Variants in CSNK1G3 observed in about 807,000 individuals in gnomAD.
CSNK1G3 encodes casein kinase 1 gamma 3.
A neutral mutation model predicts 64.3 loss-of-function variants in CSNK1G3; 23 were observed. The observed-to-expected ratio is 0.36, with a 90% CI of 0.26 to 0.51. CSNK1G3 has a LOEUF of 0.51. CSNK1G3 is among the 20% of genes least tolerant of loss of function. CSNK1G3 has a pLI of 0.96. For missense variants in CSNK1G3, 357 were observed against 510.5 expected (o/e 0.70, Z 2.90); for synonymous variants, 158 against 162.2 (o/e 0.97, Z 0.20).
chr5:123,583,341 T>C (rs1036210969), intron 6 of CSNK1G3, among the ~76,000 whole-genome samples: 9 of 151,312 alleles, frequency 5.9e-5, no homozygotes, highest in Non-Finnish European at 1.2e-4. Context: ...ACTTGTTCGT[T>C]GTGAGTATAG....
intron 1 of CSNK1G3, among the ~76,000 whole-genome samples, chr5:123,529,888 G>C (rs553108402): frequency 6.6e-6 from 1 of 152,098 alleles, no homozygotes; most frequent in South Asian, 2.1e-4. Context: ...ACTTACATGA[G>C]CACTTTGGGA....
intron 12 of CSNK1G3, among the ~76,000 whole-genome samples, chr5:123,610,801 T>C (rs1003450987): frequency 5.3e-5 from 8 of 151,990 alleles, no homozygotes; most frequent in Non-Finnish European, 1.2e-4. Context: ...CATAGTGAGA[T>C]GTTGTCTCCA....
intron 4 of CSNK1G3, among the ~76,000 whole-genome samples, chr5:123,558,643 A>T (rs1293760375): frequency 6.6e-6 from 1 of 152,160 alleles, no homozygotes; most frequent in Non-Finnish European, 1.5e-5. Flanking sequence ...ATAAGTTTTA[A>T]ATGTTGTAGT....
intron 4 of CSNK1G3, among the ~76,000 whole-genome samples, chr5:123,566,961 C>T (rs893013394): frequency 6.6e-6 from 1 of 152,088 alleles, no homozygotes; most frequent in Non-Finnish European, 1.5e-5. Flanking sequence ...CGTCCGTTTT[C>T]TTGCTGCTGA....
chr5:123,577,372 CAT>C (rs1391415605), intron 6 of CSNK1G3, among the ~76,000 whole-genome samples: 3 of 152,038 alleles, frequency 2.0e-5, no homozygotes, highest in African/African-American at 7.2e-5. Context: ...TATGTATATA[CAT>C]ACACACATAG....
chr5:123,566,252 GA>G (rs1408465942), intron 4 of CSNK1G3, among the ~76,000 whole-genome samples: 1 of 152,192 alleles, frequency 6.6e-6, no homozygotes, highest in Non-Finnish European at 1.5e-5. Context: ...TTGGGGGAGT[GA>G]GGGTGAGATT....
chr5:123,601,573 C>T (rs1794505993), intron 10 of CSNK1G3, among the ~76,000 whole-genome samples: 1 of 152,130 alleles, frequency 6.6e-6, no homozygotes, highest in African/African-American at 2.4e-5. Flanking sequence ...TTACCAAAGT[C>T]AGGTATAAAA....
intron 10 of CSNK1G3, 118 bp downstream of exon 10, chr5:123,591,532 T>C (rs1175987185): frequency 8.8e-6 from 5 of 565,626 alleles, no homozygotes; most frequent in Non-Finnish European, 1.2e-5. Context: ...AGATAATCTA[T>C]TTTCTCTTAA....
chr5:123,613,675 A>AT (rs1049715499), intron 12 of CSNK1G3, among the ~76,000 whole-genome samples: 9 of 151,684 alleles, frequency 5.9e-5, no homozygotes, highest in African/African-American at 1.9e-4. Flanking sequence ...CCCAGCCAAG[A>AT]TTTTTTTTCA....
At chr5:123,577,040 A>T (rs1195307755) in intron 6 of CSNK1G3, among the ~76,000 whole-genome samples, 3 of 152,042 alleles carry the variant, frequency 2.0e-5, no homozygotes, top group South Asian at 2.1e-4. Context: ...ATGCATTATC[A>T]TTATTTATTC....
intron 5 of CSNK1G3, among the ~76,000 whole-genome samples, chr5:123,574,476 A>G (rs1272394706): frequency 6.6e-6 from 1 of 152,194 alleles, no homozygotes; most frequent in East Asian, 1.9e-4. Context: ...TTAGTTGAAT[A>G]AATTAATATC....
At chr5:123,544,241 T>G (rs947076455) in intron 1 of CSNK1G3, among the ~76,000 whole-genome samples, 1 of 152,176 alleles carries the variant, frequency 6.6e-6, no homozygotes, top group Non-Finnish European at 1.5e-5. Context: ...TCAGCTCCTC[T>G]CTTGCTCATC....
chr5:123,590,342 A>G (rs903991714), intron 8 of CSNK1G3, 68 bp from the exon 9 acceptor site: 38 of 717,618 alleles, frequency 5.3e-5, no homozygotes, highest in Non-Finnish European at 7.1e-5. Context: ...ATGTGCTTTT[A>G]GATACTTAAT....
At chr5:123,559,551 A>G (rs1355330474) in intron 4 of CSNK1G3, among the ~76,000 whole-genome samples, 1 of 152,138 alleles carries the variant, frequency 6.6e-6, no homozygotes, top group Non-Finnish European at 1.5e-5. Flanking sequence ...TAAGGGTGCT[A>G]TGCTCCTCTC....
intron 12 of CSNK1G3, among the ~76,000 whole-genome samples, chr5:123,607,765 A>G (rs553690920): frequency 1.3e-5 from 2 of 152,202 alleles, no homozygotes; most frequent in Non-Finnish European, 2.9e-5. Flanking sequence ...AAAGTATAGC[A>G]ACTCATAATA....
chr5:123,547,385 C>T (rs1782726540), intron 2 of CSNK1G3, among the ~76,000 whole-genome samples: 1 of 152,046 alleles, frequency 6.6e-6, no homozygotes, highest in South Asian at 2.1e-4. Flanking sequence ...CACACAGATA[C>T]ATATGTATTT....
chr5:123,513,073 A>G (rs1776529178), intron 1 of CSNK1G3, among the ~76,000 whole-genome samples: 1 of 151,692 alleles, frequency 6.6e-6, no homozygotes, highest in Non-Finnish European at 1.5e-5. Context: ...TCAGGGATAA[A>G]CTTCCCGTTG....
intron 4 of CSNK1G3, among the ~76,000 whole-genome samples, chr5:123,558,795 A>G (rs757101147): frequency 5.3e-5 from 8 of 152,220 alleles, no homozygotes; most frequent in Non-Finnish European, 1.2e-4. Context: ...AACTATACAT[A>G]TTAGTTATTA....
chr5:123,581,595 T>A (rs181444818), intron 6 of CSNK1G3, among the ~76,000 whole-genome samples: 1 of 151,948 alleles, frequency 6.6e-6, no homozygotes, highest in Admixed American at 6.5e-5. Context: ...AAACTTTTTC[T>A]AAGTTTTGTT....
Sources: allele counts gnomAD v4.1 joint callset (sites outside exome capture counted in the v4.1 genomes callset), GRCh38; gene constraint gnomAD v4.1.1; transcripts MANE v1.5; gene names NCBI Gene and HGNC (gene_info 2026-07-23, HGNC 2026-07-21).